ADD2: variants seen among roughly 807,000 people sequenced by gnomAD.
ADD2 encodes the protein beta-adducin.
In ADD2, 23 loss-of-function variants were observed where a neutral mutation model predicts 83.0. The ratio of observed to expected loss-of-function variants is 0.28; its 90% CI spans 0.20 to 0.39. The LOEUF is 0.39. Among genes scored for constraint, ADD2 ranks in the 10% least tolerant of loss-of-function variants. The pLI is 1.00. For synonymous variants in ADD2, 375 were observed against 375.4 expected (o/e 1.00, Z 0.01); for missense variants, 758 against 944.9 (o/e 0.80, Z 2.59).
chr2:70,696,204 C>T, intron 5 of ADD2, 41 bp downstream of exon 5: 2 of 1,593,968 alleles, frequency 1.3e-6, no homozygotes, highest in Non-Finnish European at 1.7e-6. Flanking sequence ...TTTGTGGGAC[C>T]ACATGCAGTG....
chr2:70,746,448 G>A (rs1439126881), intron 1 of ADD2, among the ~76,000 whole-genome samples: 4 of 152,224 alleles, frequency 2.6e-5, no homozygotes, highest in African/African-American at 9.6e-5. Context: ...CATGGGACCA[G>A]GCACTAACTC....
At chr2:70,698,950 C>T (rs989807214) in intron 4 of ADD2, among the ~76,000 whole-genome samples, 7 of 152,080 alleles carry the variant, frequency 4.6e-5, no homozygotes, top group African/African-American at 1.4e-4. Context: ...CAGATAACAA[C>T]CTATCTGGGC....
At chr2:70,689,758 G>A (rs1553371197) in intron 8 of ADD2, among the ~76,000 whole-genome samples, 1 of 152,228 alleles carries the variant, frequency 6.6e-6, no homozygotes, top group Non-Finnish European at 1.5e-5. Context: ...GCCATACTGA[G>A]CTAACCATCC....
intron 1 of ADD2, among the ~76,000 whole-genome samples, chr2:70,713,459 A>G (rs2104412624): frequency 6.6e-6 from 1 of 152,172 alleles, no homozygotes; most frequent in South Asian, 2.1e-4. Context: ...AAAAATACAA[A>G]AATTAGCTGG....
At chr2:70,729,323 G>A (rs1225837438) in intron 1 of ADD2, among the ~76,000 whole-genome samples, 1 of 152,200 alleles carries the variant, frequency 6.6e-6, no homozygotes, top group Non-Finnish European at 1.5e-5. Context: ...CTCTGCCTCA[G>A]GGTAGGTCTC....
At chr2:70,712,473 A>AAAAAAAC in intron 2 of ADD2, among the ~76,000 whole-genome samples, 1 of 151,514 alleles carries the variant, frequency 6.6e-6, no homozygotes, top group African/African-American at 2.4e-5. Context: ...AAAAAAAAAA[A>AAAAAAAC]AAGAAACTGA....
At position 70,662,009 on chromosome 2, in the gene ADD2, A is replaced by C. The variant is rs1443670370; in HGVS notation, c.*1416T>G. 1.3e-5 allele frequency: 2 copies of C among 152,256 alleles called. No homozygotes were observed. Among genetic ancestry groups the C allele is most frequent in the African/African-American group, 4.8e-5 (2 of 41,464 alleles). 9.4% of individuals were successfully genotyped at this position (152,256 alleles called of 1,614,324 possible). ...GGGTTAAAGAATGTAATGTATGTGA[A>C]GCCTGCACAGTGTCTATAGATAGCA... On this transcript the variant is annotated 3_prime_UTR_variant, in exon 16 of 16. Transcript: ENST00000264436.
chr2:70,704,263 T>TGGCCCCCCCCACCCCCCCCCCCC, intron 4 of ADD2, 58 bp downstream of exon 4: 1 of 913,238 alleles, frequency 1.1e-6, no homozygotes, highest in Non-Finnish European at 1.7e-6. Context: ...CTCCCTCTCT[T>TGGCCCCCCCCACCCCCCCCCCCC]CCCCACCCCA....
Position 70,713,124 on chromosome 2 carries a change from C to G in ADD2, c.-93G>C, listed in dbSNP as rs555521261. On this transcript the variant is annotated 5_prime_UTR_variant, in exon 2 of 16. Coordinates refer to ENST00000264436, the MANE Select transcript of ADD2 (RefSeq NM_001617.4). ...TCTGTTCACTGCTCAGTCTGCACCC[C>G]CTAGCTCCACTCTCAAGGGTGCCGG... The G allele has an allele frequency of 1.0e-6, 1 of 985,526 alleles. No homozygotes were observed. The highest frequency in any genetic ancestry group is 1.1e-4 in the East Asian group (1 of 8,810). The allele number at this position is 985,526 out of a possible 1,614,324, so 61.0% of individuals were successfully genotyped here. A position where few individuals can be genotyped will look rare whatever the true frequency, so the allele number is the denominator to read the frequency against.
intron 8 of ADD2, 49 bp downstream of exon 8, chr2:70,690,737 C>T: frequency 6.4e-7 from 1 of 1,571,052 alleles, no homozygotes; most frequent in Non-Finnish European, 8.6e-7. Context: ...GTGATGTTGG[C>T]TTTTGACAAT....
At chr2:70,754,114 A>G (rs1674656349) in intron 1 of ADD2, among the ~76,000 whole-genome samples, 2 of 152,148 alleles carry the variant, frequency 1.3e-5, no homozygotes, top group Non-Finnish European at 1.5e-5. Flanking sequence ...GGGAGTTCCT[A>G]CAATTCACAA....
In ADD2 at chr2:70,660,010, A is replaced by G. The variant is rs1245671122; in HGVS notation, c.*3415T>C. 2 of 152,346 alleles carry G rather than the reference A, an allele frequency of 1.3e-5. No individual in the cohort carries two copies. The highest frequency in any genetic ancestry group is 1.5e-5 in the Non-Finnish European group (1 of 68,020). 9.4% of individuals were successfully genotyped at this position (152,346 alleles called of 1,614,324 possible). ...CTGCCCACCAAATCTGAGCTCTTGA[A>G]TACACATTTTCTCCAGTCAGATATT... On this transcript the variant is annotated 3_prime_UTR_variant, in exon 16 of 16. Coordinates refer to ENST00000264436, the MANE Select transcript of ADD2 (RefSeq NM_001617.4).
rs1553374354 is a variant in ADD2, at chr2:70,706,188, C to T, written c.183+38G>A. On this transcript the variant is annotated intron_variant, in intron 3 of 15. Transcript: ENST00000264436. The surrounding 1 kb of genome is among the most constrained non-coding windows in gnomAD (Gnocchi z 5.0). ...GGTACACGTCCTGAAGAGCCAGCGC[C>T]CCCTGCGCCCTCTCCCGCCCGGGTC... is the stretch of plus-strand genomic sequence containing the variant. The T allele has an allele frequency of 6.2e-7, 1 of 1,602,488 alleles. No individual in the cohort carries two copies. The highest frequency in any genetic ancestry group is 1.1e-5 in the South Asian group (1 of 89,830).
At chr2:70,756,931 C>T (rs929231635) in intron 1 of ADD2, among the ~76,000 whole-genome samples, 5 of 152,228 alleles carry the variant, frequency 3.3e-5, no homozygotes, top group South Asian at 2.1e-4. Context: ...CAGGTTCACG[C>T]GATTCTCCTG....
At chr2:70,726,976 T>C (rs1390721668) in intron 1 of ADD2, among the ~76,000 whole-genome samples, 1 of 152,212 alleles carries the variant, frequency 6.6e-6, no homozygotes, top group Non-Finnish European at 1.5e-5. Flanking sequence ...TATTTCAAAA[T>C]GCTCCAGAAA....
intron 1 of ADD2, among the ~76,000 whole-genome samples, chr2:70,723,285 A>G (rs1428711609): frequency 6.6e-6 from 1 of 152,262 alleles, no homozygotes; most frequent in African/African-American, 2.4e-5. Context: ...ATAATATATG[A>G]AAGCACAGGC....
intron 1 of ADD2, among the ~76,000 whole-genome samples, chr2:70,725,625 A>T (rs1465174169): frequency 1.3e-5 from 2 of 152,074 alleles, no homozygotes; most frequent in Non-Finnish European, 2.9e-5. Context: ...GATTGGAGTG[A>T]GGCAGCCACA....
rs1445747041 is a variant in ADD2 at position 70,713,201 on chromosome 2, C to T, written c.-153-17G>A. The stretch of plus-strand genomic sequence containing the variant: ...AGGTGGAAACTGCAAAACACAAACA[C>T]GACAAGTGTCAGGGCCTGCACCACC... On this transcript the variant is annotated splice_polypyrimidine_tract_variant and intron_variant, in intron 1 of 15. Coordinates refer to ENST00000264436, the MANE Select transcript of ADD2 (RefSeq NM_001617.4). 7 of 967,776 alleles carry T rather than the reference C, an allele frequency of 7.2e-6. No homozygotes were observed. Among genetic ancestry groups the T allele is most frequent in the African/African-American group, 3.5e-5 (2 of 56,848 alleles). 59.9% of individuals were successfully genotyped at this position (967,776 alleles called of 1,614,324 possible).
chr2:70,717,887 T>C (rs1672554886), intron 1 of ADD2: 1 of 152,242 alleles, frequency 6.6e-6, no homozygotes. Flanking sequence ...TTCTGAATTT[T>C]ACAAAGTTCT....
Sources: gnomAD v4.1 joint callset for allele counts (sites outside exome capture counted in the v4.1 genomes callset) on GRCh38, gnomAD v4.1.1 for gene constraint, Gnocchi (gnomAD v3.1) non-coding constraint, MANE v1.5 for transcripts, NCBI Gene and HGNC (gene_info 2026-07-23, HGNC 2026-07-21) for gene names.